AKR1C8: variants seen among roughly 807,000 people sequenced by gnomAD.
AKR1C8 encodes the protein aldo-keto reductase family 1 member C-like protein 1.
the AKR1C8 span, chr10:5,161,734 A>C: frequency 1.9e-6 from 1 of 534,556 alleles, no homozygotes; most frequent in Admixed American, 1.9e-5. Context: ...AATCCTATGC[A>C]CCTCACTCAA....
chr10:5,133,556 T>C, the AKR1C8 span, among the ~76,000 whole-genome samples: 1 of 152,176 alleles, frequency 6.6e-6, no homozygotes, highest in African/African-American at 2.4e-5. Flanking sequence ...AGGGGAAATG[T>C]TGTCTACAAG....
At chr10:5,137,325 A>G in the AKR1C8 span, among the ~76,000 whole-genome samples, 59,537 of 151,928 alleles carry the variant, frequency 0.39, 12,475 homozygotes, top group Non-Finnish European at 0.43. Context: ...AATATCCCTG[A>G]TGAGCATCAA....
At chr10:5,176,660 G>A in the AKR1C8 span, among the ~76,000 whole-genome samples, 1 of 152,044 alleles carries the variant, frequency 6.6e-6, no homozygotes, top group African/African-American at 2.4e-5. Context: ...TCCTTAAGCA[G>A]TGGTTTGTAG....
chr10:5,148,131 G>A, the AKR1C8 span, among the ~76,000 whole-genome samples: 1 of 152,074 alleles, frequency 6.6e-6, no homozygotes, highest in Non-Finnish European at 1.5e-5. Context: ...GCTACGTGGG[G>A]GCTTCTGCCT....
chr10:5,140,076 G>A, the AKR1C8 span, among the ~76,000 whole-genome samples: 1 of 152,140 alleles, frequency 6.6e-6, no homozygotes, highest in African/African-American at 2.4e-5. Flanking sequence ...TCAGAGAAAT[G>A]CAAATCAAAA....
chr10:5,169,844 T>G, the AKR1C8 span, among the ~76,000 whole-genome samples: 1 of 151,978 alleles, frequency 6.6e-6, no homozygotes, highest in South Asian at 2.1e-4. Context: ...TGAGGTAGGG[T>G]TGAGGCTGAG....
the AKR1C8 span, among the ~76,000 whole-genome samples, chr10:5,140,760 ACATT>A: frequency 7.2e-6 from 1 of 138,204 alleles, no homozygotes; most frequent in African/African-American, 3.5e-5. Context: ...ACATACCTGC[ACATT>A]GTGCACATGT....
chr10:5,158,565 C>T, the AKR1C8 span: 1 of 425,358 alleles, frequency 2.4e-6, no homozygotes, highest in Non-Finnish European at 4.9e-6. Flanking sequence ...CAGCAGAATT[C>T]CCGCCATAGG....
the AKR1C8 span, among the ~76,000 whole-genome samples, chr10:5,172,568 T>G: frequency 6.6e-6 from 1 of 152,236 alleles, no homozygotes; most frequent in Admixed American, 6.5e-5. Context: ...TTATTTTGTT[T>G]GGGCTGAGTT....
At chr10:5,178,154 T>G in the AKR1C8 span, among the ~76,000 whole-genome samples, 1 of 152,210 alleles carries the variant, frequency 6.6e-6, no homozygotes, top group Non-Finnish European at 1.5e-5. Flanking sequence ...GCTTTGAATG[T>G]GTCCCAGAGA....
the AKR1C8 span, among the ~76,000 whole-genome samples, chr10:5,152,154 C>T: frequency 6.6e-6 from 1 of 152,090 alleles, no homozygotes; most frequent in African/African-American, 2.4e-5. Flanking sequence ...AATTTGAAAG[C>T]ACTAGTTTGG....
the AKR1C8 span, chr10:5,154,203 A>G: frequency 8.5e-6 from 4 of 470,144 alleles, no homozygotes; most frequent in South Asian, 6.2e-5. Flanking sequence ...AAAAATATTA[A>G]TTTAGTAACT....
chr10:5,144,792 G>C, the AKR1C8 span, among the ~76,000 whole-genome samples: 1 of 152,058 alleles, frequency 6.6e-6, no homozygotes, highest in African/African-American at 2.4e-5. Context: ...GGGTTTTCTA[G>C]ATATACAATC....
At chr10:5,166,919 A>T in the AKR1C8 span, among the ~76,000 whole-genome samples, 1 of 148,940 alleles carries the variant, frequency 6.7e-6, no homozygotes, top group Non-Finnish European at 1.5e-5. Context: ...AAGAATCTAC[A>T]ATGAACTCCA....
At chr10:5,122,057 G>A in the AKR1C8 span, 6 of 209,468 alleles carry the variant, frequency 2.9e-5, no homozygotes, top group East Asian at 2.2e-4. Context: ...TGCAGAAAAT[G>A]GTCTGTGAAA....
At chr10:5,147,243 A>G in the AKR1C8 span, among the ~76,000 whole-genome samples, 1 of 152,180 alleles carries the variant, frequency 6.6e-6, no homozygotes, top group African/African-American at 2.4e-5. Context: ...CAGGCAGAGC[A>G]CCAAGCCACT....
At chr10:5,119,152 T>C in the AKR1C8 span, among the ~76,000 whole-genome samples, 1 of 152,214 alleles carries the variant, frequency 6.6e-6, no homozygotes, top group Non-Finnish European at 1.5e-5. Flanking sequence ...TTTTGCCTAT[T>C]TATTGGTAAA....
the AKR1C8 span, among the ~76,000 whole-genome samples, chr10:5,145,050 T>C: frequency 5.9e-5 from 9 of 151,962 alleles, no homozygotes; most frequent in Admixed American, 3.3e-4. Flanking sequence ...GTCCCATCAA[T>C]ACCTAATTTA....
the AKR1C8 span, chr10:5,153,998 A>C: frequency 4.2e-6 from 1 of 237,616 alleles, no homozygotes; most frequent in Non-Finnish European, 9.3e-6. Context: ...TCTTCTTGTT[A>C]AAGTCTTCAT....
Sources: allele counts gnomAD v4.1 joint callset (sites outside exome capture counted in the v4.1 genomes callset), GRCh38; gene constraint gnomAD v4.1.1; transcripts MANE v1.5; gene names NCBI Gene and HGNC (gene_info 2026-07-23, HGNC 2026-07-21).